Variants in CREB5 observed in about 807,000 individuals in gnomAD.
CREB5 encodes the protein cAMP responsive element binding protein 5.
In CREB5, 19 loss-of-function variants were observed where a neutral mutation model predicts 57.1. The observed-to-expected ratio is 0.33, with a 90% CI of 0.23 to 0.49. CREB5 has a LOEUF of 0.49. Among genes scored for constraint, CREB5 ranks in the 20% least tolerant of loss-of-function variants. The pLI is 0.99. For missense variants in CREB5, 579 were observed against 671.6 expected (o/e 0.86, Z 1.52); for synonymous variants, 238 against 238.3 (o/e 1.00, Z 0.01).
chr7:28,538,384 T>A (rs1165522791), intron 4 of CREB5, among the ~76,000 whole-genome samples: 2 of 150,156 alleles, frequency 1.3e-5, no homozygotes, highest in Non-Finnish European at 3.0e-5. Context: ...ACACATGGAC[T>A]CTGTCTTGTG....
intron 5 of CREB5, among the ~76,000 whole-genome samples, chr7:28,704,252 G>A (rs532197160): frequency 6.6e-6 from 1 of 152,250 alleles, no homozygotes; most frequent in East Asian, 1.9e-4. Context: ...TATGTGAGAA[G>A]AAATGACCTC....
rs1395507333 is a variant in CREB5, at chr7:28,561,027, T to TGCGTGTGC, written c.292-9337_292-9336insCGTGTGCG. On this transcript the variant is annotated intron_variant, in intron 4 of 10. Coordinates refer to ENST00000357727, the MANE Select transcript of CREB5 (RefSeq NM_182898.4). ...GTGCGTGTGTGTGTGCGTGTGTGCGTGTGTGTGTGTGTGTGTGAAGGTATT... is the reference window on the plus strand; with the variant it reads ...GTGCGTGTGTGTGTGCGTGTGTGCGTGCGTGTGCGTGTGTGTGTGTGTGTGAAGGTATT... 6.5e-4 allele frequency among the ~76,000 whole-genome samples: 46 copies of TGCGTGTGC among 70,480 alleles called. 1 individual carries two copies. The highest frequency in any genetic ancestry group is 1.0e-3 in the Admixed American group (6 of 5,820). 46.2% of individuals were successfully genotyped at this position (70,480 alleles called of 152,430 possible). A position where few individuals can be genotyped will look rare whatever the true frequency, so the allele number is the denominator to read the frequency against.
chr7:28,689,336 C>T (rs966119475), intron 5 of CREB5, among the ~76,000 whole-genome samples: 3 of 151,996 alleles, frequency 2.0e-5, no homozygotes, highest in East Asian at 1.9e-4. Context: ...GGAGTGATGG[C>T]GGACACCTGT....
At chr7:28,408,961 CT>C (rs1787653120), upstream of CREB5, among the ~76,000 whole-genome samples, 1 of 152,072 alleles carries the variant, frequency 6.6e-6, no homozygotes, top group South Asian at 2.1e-4. Context: ...CACCTCTCCC[CT>C]ACCCCCATCC....
At chr7:28,368,864 T>C (rs1331329753) in intron 1 of CREB5, among the ~76,000 whole-genome samples, 2 of 152,130 alleles carry the variant, frequency 1.3e-5, no homozygotes, top group Non-Finnish European at 2.9e-5. Flanking sequence ...CTGGGCAACA[T>C]GGCAAGAACC....
intron 4 of CREB5, among the ~76,000 whole-genome samples, chr7:28,569,832 C>G (rs1360274796): frequency 6.6e-6 from 1 of 152,158 alleles, no homozygotes; most frequent in African/African-American, 2.4e-5. Context: ...ATCACGCATC[C>G]TCATTCCACA....
At chr7:28,360,363 C>T (rs1199738342) in intron 1 of CREB5, among the ~76,000 whole-genome samples, 1 of 152,136 alleles carries the variant, frequency 6.6e-6, no homozygotes. Context: ...GGGTATCTAT[C>T]CACAATGGAA....
At chr7:28,734,685 A>C (rs936844015) in intron 7 of CREB5, among the ~76,000 whole-genome samples, 1 of 152,190 alleles carries the variant, frequency 6.6e-6, no homozygotes, top group African/African-American at 2.4e-5. Context: ...GGTCAAAGGG[A>C]ATAAACATTA....
intron 1 of CREB5, among the ~76,000 whole-genome samples, chr7:28,340,259 C>T (rs1301893906): frequency 1.3e-5 from 2 of 152,194 alleles, no homozygotes; most frequent in Non-Finnish European, 1.5e-5. Flanking sequence ...ACACCTAAAG[C>T]CAGCATGGCT....
intron 5 of CREB5, among the ~76,000 whole-genome samples, chr7:28,628,057 A>C (rs1003043281): frequency 6.6e-5 from 10 of 152,036 alleles, no homozygotes; most frequent in African/African-American, 2.4e-4. Context: ...GAAACTTCCC[A>C]GTTCAGTGAA....
intron 4 of CREB5, among the ~76,000 whole-genome samples, chr7:28,518,673 C>T (rs1055392062): frequency 6.6e-6 from 1 of 152,112 alleles, no homozygotes; most frequent in African/African-American, 2.4e-5. Flanking sequence ...TAGAGGGAAA[C>T]AAGATGGCCC....
At chr7:28,377,888 C>A (rs1347175395) in intron 1 of CREB5, among the ~76,000 whole-genome samples, 2 of 130,386 alleles carry the variant, frequency 1.5e-5, no homozygotes, top group Non-Finnish European at 3.1e-5. Flanking sequence ...GCCAAGATCG[C>A]GCTACTGCAC....
rs76513044 is a variant in CREB5, at chr7:28,503,331, A to C, written c.170-4285A>C. ...TTTCGGTTCTTTTGAAATATTTTGG[A>C]ATCATTCATATCCCTCACCAATAGA... On this transcript the variant is annotated intron_variant, in intron 3 of 10. Coordinates refer to ENST00000357727, the MANE Select transcript of CREB5 (RefSeq NM_182898.4). 3.2e-3 allele frequency among the ~76,000 whole-genome samples: 489 copies of C among 152,274 alleles called. 4 individuals are homozygous for C. The highest frequency in any genetic ancestry group is 0.011 in the African/African-American group (459 of 41,556).
chr7:28,336,254 A>G (rs1373997970), intron 1 of CREB5, among the ~76,000 whole-genome samples: 3 of 152,062 alleles, frequency 2.0e-5, no homozygotes, highest in East Asian at 1.9e-4. Context: ...TTTTCAGAAC[A>G]GTTTAAGTAG....
chr7:28,584,452 C>CCTGA (rs1295581441), intron 5 of CREB5, among the ~76,000 whole-genome samples: 1 of 152,054 alleles, frequency 6.6e-6, no homozygotes, highest in East Asian at 1.9e-4. Context: ...GACACGGGGA[C>CCTGA]TCAGAGACAC....
At chr7:28,325,428 C>G (rs900861583) in intron 1 of CREB5, among the ~76,000 whole-genome samples, 1 of 150,820 alleles carries the variant, frequency 6.6e-6, no homozygotes, top group African/African-American at 2.5e-5. Context: ...GCACTCCAGC[C>G]TGGGCGACAC....
intron 5 of CREB5, among the ~76,000 whole-genome samples, chr7:28,662,540 C>T (rs768733566): frequency 2.0e-4 from 31 of 152,104 alleles, no homozygotes; most frequent in Non-Finnish European, 4.1e-4. Context: ...TCTTCGGGGG[C>T]CAAACCATAA....
chr7:28,757,647 G>A (rs891408162), intron 7 of CREB5, among the ~76,000 whole-genome samples: 2 of 151,622 alleles, frequency 1.3e-5, no homozygotes, highest in African/African-American at 4.9e-5. Context: ...CACTGAGCCT[G>A]GGTGACAGAG....
chr7:28,392,393 T>A (rs1787236335), intron 1 of CREB5, among the ~76,000 whole-genome samples: 1 of 152,228 alleles, frequency 6.6e-6, no homozygotes, highest in Non-Finnish European at 1.5e-5. Context: ...GGTTGCCTCT[T>A]TGATTCTCTT....
Sources: allele counts gnomAD v4.1 joint callset (sites outside exome capture counted in the v4.1 genomes callset), GRCh38; gene constraint gnomAD v4.1.1; transcripts MANE v1.5; gene names NCBI Gene and HGNC (gene_info 2026-07-23, HGNC 2026-07-21).